The following COL4A5 variants were observed in gnomAD, a reference collection of about 807,000 sequenced individuals.
COL4A5 encodes collagen alpha-5(IV) chain.
COL4A5 carries 26 observed loss-of-function variants against 130.2 expected under a neutral mutation model. That is an observed-to-expected ratio of 0.20 (90% CI 0.15 to 0.28). The LOEUF is 0.28. Ranked by LOEUF, COL4A5 falls within the 10% of genes least tolerant of loss-of-function variation. The pLI is 1.00. For synonymous variants in COL4A5, 496 were observed against 439.6 expected (o/e 1.13, Z -1.60); for missense variants, 1,131 against 1,344.3 (o/e 0.84, Z 2.48).
chrX:108,484,866 G>A lies in COL4A5; in HGVS notation c.81+44660G>A, dbSNP rs193253972. Among the ~76,000 whole-genome samples the A allele has an allele frequency of 2.5e-4, 28 of 112,729 alleles. No homozygotes were observed. In the East Asian group the frequency reaches 7.6e-3, roughly 31 times the overall value. On this transcript the variant is annotated intron_variant, in intron 1 of 52. Coordinates refer to ENST00000328300, the MANE Select transcript of COL4A5 (RefSeq NM_033380.3). ...GTTAGCAGGTGGCGAATCCAGGCTT[G>A]TGTCCTTCCCTTCAGGGCAGCGGGT...
intron 1 of COL4A5, among the ~76,000 whole-genome samples, chrX:108,453,042 T>C (rs1301485115): frequency 1.8e-5 from 2 of 111,564 alleles, no homozygotes; most frequent in Non-Finnish European, 3.8e-5. Context: ...TGAAGGGTTG[T>C]TGAATTTTGT....
chrX:108,670,149 G>A, intron 41 of COL4A5, 79 bp from the exon 42 acceptor site: 2 of 1,039,585 alleles, frequency 1.9e-6, no homozygotes, highest in Non-Finnish European at 2.7e-6. Context: ...TTAGTTTCTT[G>A]ATATTTCTAA....
intron 28 of COL4A5, among the ~76,000 whole-genome samples, chrX:108,606,452 A>G (rs1283109649): frequency 1.8e-5 from 2 of 110,469 alleles, no homozygotes; most frequent in Admixed American, 9.6e-5. Flanking sequence ...GCCTATAATC[A>G]TATTTCCCTA....
At chrX:108,447,816 A>G (rs2064470220) in intron 1 of COL4A5, among the ~76,000 whole-genome samples, 2 of 112,090 alleles carry the variant, frequency 1.8e-5, no homozygotes, top group Non-Finnish European at 3.8e-5. Context: ...ACGGAACAGA[A>G]GTAATTTTTG....
At chrX:108,633,117 G>A (rs983993538) in intron 36 of COL4A5, among the ~76,000 whole-genome samples, 13 of 111,596 alleles carry the variant, frequency 1.2e-4, no homozygotes, top group South Asian at 3.7e-4. Context: ...AAGCTGATAA[G>A]TAACTTCAGC....
chrX:108,680,627 T>C (rs903338602), intron 44 of COL4A5, 52 bp from the exon 45 acceptor site: 179 of 1,047,619 alleles, frequency 1.7e-4, no homozygotes, highest in Non-Finnish European at 2.4e-4. Flanking sequence ...CTCAATCACC[T>C]TCCTCCCCTC....
intron 41 of COL4A5, 85 bp downstream of exon 41, chrX:108,668,589 T>C: frequency 1.3e-6 from 1 of 791,992 alleles, no homozygotes; most frequent in Non-Finnish European, 1.7e-6. Context: ...CTTTAAGACT[T>C]TAGAATTTTT....
At position 108,581,044 on chromosome X, in the gene COL4A5, C is replaced by A. The variant is rs1170191992; in HGVS notation, c.936+17C>A. The A allele has an allele frequency of 2.5e-6, 3 of 1,192,649 alleles. No individual in the cohort carries two copies. The highest frequency in any genetic ancestry group is 4.4e-5 in the Admixed American group (2 of 45,623). On this transcript the variant is annotated intron_variant, in intron 16 of 52. Transcript: ENST00000328300. The stretch of plus-strand genomic sequence containing the variant: ...GGAATTCCTGTAAGTAGCTAAGGTT[C>A]TTTCCCCCTGCAAAACTGGAGACAT...
Position 108,591,660 on chromosome X carries a change from A to G in COL4A5, c.1423+16A>G. The stretch of plus-strand genomic sequence containing the variant: ...GGAGTGAAAGGTTTGATCTCCAAAC[A>G]TATTCATTCCTTCATTTTCTTCATT... On this transcript the variant is annotated intron_variant, in intron 21 of 52. Coordinates refer to ENST00000328300, the MANE Select transcript of COL4A5 (RefSeq NM_033380.3). The G allele has an allele frequency of 8.9e-7, 1 of 1,123,629 alleles. No individual in the cohort carries two copies. Among genetic ancestry groups the G allele is most frequent in the Non-Finnish European group, 1.2e-6 (1 of 815,227 alleles). The allele number at this position is 1,123,629 out of a possible 1,213,427, so 92.6% of individuals were successfully genotyped here.
chrX:108,575,838 A>G, intron 9 of COL4A5, 72 bp from the exon 10 acceptor site: 1 of 806,267 alleles, frequency 1.2e-6, no homozygotes, highest in Non-Finnish European at 1.8e-6. Context: ...ACTTTGTGTA[A>G]AAAAAGAAAA....
At chrX:108,602,749 A>G (rs2066656587) in intron 27 of COL4A5, among the ~76,000 whole-genome samples, 1 of 111,965 alleles carries the variant, frequency 8.9e-6, no homozygotes, top group South Asian at 3.7e-4. Context: ...TCAGAAAAGC[A>G]TATGTTCCAC....
intron 29 of COL4A5, among the ~76,000 whole-genome samples, chrX:108,614,429 G>T (rs999345246): frequency 9.0e-6 from 1 of 111,538 alleles, no homozygotes; most frequent in Non-Finnish European, 1.9e-5. Context: ...TGTTTAAAGT[G>T]GGAGTGACAG....
intron 1 of COL4A5, among the ~76,000 whole-genome samples, chrX:108,483,169 C>T (rs989718742): frequency 1.8e-5 from 2 of 109,730 alleles, no homozygotes; most frequent in African/African-American, 6.7e-5. Flanking sequence ...CTGTATTAGT[C>T]AGGATTCTCT....
intron 25 of COL4A5, among the ~76,000 whole-genome samples, chrX:108,600,874 G>A (rs1243967474): frequency 4.5e-5 from 5 of 111,331 alleles, no homozygotes; most frequent in African/African-American, 1.3e-4. Context: ...AGAGAACCTG[G>A]AGTTGTGATG....
At chrX:108,468,501 G>GA (rs2064731205) in intron 1 of COL4A5, among the ~76,000 whole-genome samples, 2 of 91,582 alleles carry the variant, frequency 2.2e-5, no homozygotes, top group Non-Finnish European at 4.5e-5. Context: ...TTTCGTAAGT[G>GA]TTTTTTTTTT....
At chrX:108,559,195 G>T in intron 3 of COL4A5, 42 bp downstream of exon 3, 2 of 1,028,619 alleles carry the variant, frequency 1.9e-6, no homozygotes, top group Non-Finnish European at 2.7e-6. Context: ...GATGAATTAA[G>T]TCATCTTAAA....
intron 1 of COL4A5, among the ~76,000 whole-genome samples, chrX:108,465,341 C>T (rs2147497823): frequency 8.9e-6 from 1 of 112,003 alleles, no homozygotes; most frequent in South Asian, 3.7e-4. Flanking sequence ...TTTGCTTTTT[C>T]TGATGTTGAG....
At chrX:108,651,109 A>G (rs752457030) in intron 36 of COL4A5, among the ~76,000 whole-genome samples, 1 of 111,793 alleles carries the variant, frequency 8.9e-6, no homozygotes, top group South Asian at 3.7e-4. Flanking sequence ...TTTCATTTAT[A>G]TGAAATGTCC....
At chrX:108,651,403 A>G (rs1299164744) in intron 36 of COL4A5, among the ~76,000 whole-genome samples, 4 of 112,173 alleles carry the variant, frequency 3.6e-5, no homozygotes, top group African/African-American at 1.3e-4. Flanking sequence ...TCTGCTAATA[A>G]CATGTAATGT....
Sources: allele counts gnomAD v4.1 joint callset (sites outside exome capture counted in the v4.1 genomes callset), GRCh38; gene constraint gnomAD v4.1.1; transcripts MANE v1.5; gene names NCBI Gene and HGNC (gene_info 2026-07-23, HGNC 2026-07-21).